Variants in RAB3IP observed in about 807,000 individuals in gnomAD.
RAB3IP encodes the protein rab-3A-interacting protein.
In RAB3IP, 36 loss-of-function variants were observed where a neutral mutation model predicts 59.1. The ratio of observed to expected loss-of-function variants is 0.61; its 90% CI spans 0.47 to 0.80. The LOEUF (loss-of-function observed/expected upper bound fraction) is 0.80. RAB3IP is among the 30% of genes least tolerant of loss of function. The probability of loss-of-function intolerance (pLI) is 0.00; values close to 1 mark genes in which losing one functional copy is unlikely to be tolerated. For missense variants in RAB3IP, 511 were observed against 536.0 expected (o/e 0.95, Z 0.46); for synonymous variants, 207 against 191.2 (o/e 1.08, Z -0.68).
Position 69,801,847 on chromosome 12 carries a change from G to T in RAB3IP, c.1130+126G>T, listed in dbSNP as rs1008958999. 2.6e-5 allele frequency: 15 copies of T among 581,386 alleles called. No individual in the cohort carries two copies. In the African/African-American group the frequency reaches 2.8e-4, roughly 11 times the overall value. 36.0% of individuals were successfully genotyped at this position (581,386 alleles called of 1,614,324 possible). A position where few individuals can be genotyped will look rare whatever the true frequency, so the allele number is the denominator to read the frequency against. ...CCTCAGATTTCTCTTAAGCGTCTGT[G>T]TAGCCTAGCCCAAAGACAAATTCCT... On this transcript the variant is annotated intron_variant, in intron 8 of 10. Coordinates refer to ENST00000247833, the MANE Select transcript of RAB3IP (RefSeq NM_022456.5).
chr12:69,757,801 T>A (rs1870470269), intron 3 of RAB3IP, among the ~76,000 whole-genome samples: 1 of 152,192 alleles, frequency 6.6e-6, no homozygotes. Flanking sequence ...GACTTTGTTG[T>A]CTTAATAGAT....
chr12:69,739,508 C>T (rs1887054107), intron 1 of RAB3IP: 1 of 325,894 alleles, frequency 3.1e-6, no homozygotes, highest in African/African-American at 2.2e-5. Context: ...CACCGGACGC[C>T]GCGCGGCAGG....
intron 1 of RAB3IP, among the ~76,000 whole-genome samples, chr12:69,744,991 A>G (rs1031603065): frequency 2.6e-5 from 4 of 152,198 alleles, no homozygotes; most frequent in Non-Finnish European, 2.9e-5. Flanking sequence ...CAGTATTTGA[A>G]TAAATTTTGA....
At chr12:69,813,827 C>T (rs1880804970) in intron 10 of RAB3IP, among the ~76,000 whole-genome samples, 1 of 152,096 alleles carries the variant, frequency 6.6e-6, no homozygotes, top group Non-Finnish European at 1.5e-5. Context: ...CTGGTAGAAG[C>T]CTACCATCTT....
chr12:69,771,499 C>A (rs1452767672), intron 3 of RAB3IP, among the ~76,000 whole-genome samples: 3 of 151,574 alleles, frequency 2.0e-5, no homozygotes, highest in Non-Finnish European at 2.9e-5. Flanking sequence ...TGCACTCCAG[C>A]CTGGGTGACA....
intron 10 of RAB3IP, among the ~76,000 whole-genome samples, chr12:69,814,302 A>G (rs1047652160): frequency 3.3e-5 from 5 of 152,178 alleles, no homozygotes; most frequent in Non-Finnish European, 5.9e-5. Flanking sequence ...GGGTGTTGAT[A>G]ATAAAAGTAG....
At chr12:69,811,960 T>A (rs1228291017) in intron 8 of RAB3IP, 1 of 152,188 alleles carries the variant, frequency 6.6e-6, no homozygotes, top group African/African-American at 2.4e-5. Context: ...GGAGTGATAG[T>A]TGTATTGAGC....
In RAB3IP at chr12:69,795,212, G is replaced by T; in HGVS notation, c.756G>T (p.Thr252=). ...TGTCCAGTTCTCCAACATCACCTAC[G>T]CAGGAGCCTTTGCCAGGTGGAAAGA... ...LVLSSSPTSP[T]QEPLPGGKTP... The change falls in exon 6 of 11, where the codon ACG becomes ACT. Residue 252 remains threonine, a synonymous_variant. Coordinates refer to ENST00000247833, the MANE Select transcript of RAB3IP (RefSeq NM_022456.5). 2.5e-6 allele frequency: 4 copies of T among 1,613,986 alleles called. No individual in the cohort carries two copies. Among genetic ancestry groups the T allele is most frequent in the Non-Finnish European group, 2.5e-6 (3 of 1,179,926 alleles).
chr12:69,755,204 G>A (rs1023848222), intron 1 of RAB3IP, among the ~76,000 whole-genome samples, 180 bp from the exon 2 acceptor site: 1 of 151,950 alleles, frequency 6.6e-6, no homozygotes, highest in Non-Finnish European at 1.5e-5. Context: ...TCATCTTCCC[G>A]AGTAGCTGGT....
At position 69,815,440 on chromosome 12, in the gene RAB3IP, A is replaced by G. The variant is rs1881031877; in HGVS notation, c.1377A>G (p.Glu459=). ...SLAKLGYFKE[E]L ...CAAAGCTGGGTTATTTCAAAGAGGA[A>G]CTCTGATGCTCTGCGTGGGACCATG... Residue 459 remains glutamate, a synonymous_variant, in exon 11 of 11, where the codon GAA becomes GAG. Coordinates refer to ENST00000247833, the MANE Select transcript of RAB3IP (RefSeq NM_022456.5). The G allele has an allele frequency of 2.5e-6, 4 of 1,608,268 alleles. No individual in the cohort carries two copies. The Admixed American group carries it at 6.7e-5, about 27-fold the overall frequency.
At chr12:69,804,883 G>C (rs1307334493) in intron 8 of RAB3IP, among the ~76,000 whole-genome samples, 1 of 152,122 alleles carries the variant, frequency 6.6e-6, no homozygotes, top group Non-Finnish European at 1.5e-5. Flanking sequence ...GTACCATGCT[G>C]TTTTGTTTAC....
chr12:69,773,552 C>A (rs1169139473), intron 3 of RAB3IP, among the ~76,000 whole-genome samples: 2 of 131,374 alleles, frequency 1.5e-5, no homozygotes, highest in Non-Finnish European at 3.2e-5. Flanking sequence ...CCAATGCTAT[C>A]CCTTCCCCCT....
intron 9 of RAB3IP, 43 bp from the exon 10 acceptor site, chr12:69,812,921 T>C (rs1592635463): frequency 6.2e-7 from 1 of 1,604,070 alleles, no homozygotes; most frequent in Non-Finnish European, 8.5e-7. Context: ...TGCTTTGATA[T>C]GGGACATTTG....
chr12:69,775,291 A>G (rs1873721410), intron 3 of RAB3IP, among the ~76,000 whole-genome samples: 1 of 123,268 alleles, frequency 8.1e-6, no homozygotes, highest in Admixed American at 8.8e-5. Context: ...GAAGTTGCTT[A>G]TCAGCTTAAG....
rs1381953369 is a variant in RAB3IP, at chr12:69,820,568, A to AAAC, written c.*5124_*5125insCAA. ...ATTGCACTTAGAAAAAAAAAAAAAA[A>AAAC]AAAAAACTGGCCAGGTGCGATGGCT... On this transcript the variant is annotated 3_prime_UTR_variant, in exon 11 of 11. Coordinates refer to ENST00000247833, the MANE Select transcript of RAB3IP (RefSeq NM_022456.5). 1.3e-5 allele frequency: 2 copies of AAAC among 151,926 alleles called. No individual in the cohort carries two copies. Among genetic ancestry groups the AAAC allele is most frequent in the South Asian group, 4.2e-4 (2 of 4,804 alleles). 9.4% of individuals were successfully genotyped at this position (151,926 alleles called of 1,614,324 possible).
chr12:69,748,988 C>T (rs768221423), intron 1 of RAB3IP, among the ~76,000 whole-genome samples: 1 of 152,108 alleles, frequency 6.6e-6, no homozygotes, highest in African/African-American at 2.4e-5. Context: ...TGAATTTAGA[C>T]AGTATTTAAA....
At chr12:69,762,133 C>A (rs1270322328) in intron 3 of RAB3IP, among the ~76,000 whole-genome samples, 1 of 152,168 alleles carries the variant, frequency 6.6e-6, no homozygotes, top group Non-Finnish European at 1.5e-5. Flanking sequence ...CACTTCCCAG[C>A]AACAAATCCA....
At chr12:69,799,389 A>G (rs547077440) in intron 6 of RAB3IP, among the ~76,000 whole-genome samples, 4 of 152,166 alleles carry the variant, frequency 2.6e-5, no homozygotes, top group Non-Finnish European at 5.9e-5. Context: ...AGCAGATGCT[A>G]TTGAGCTGGA....
chr12:69,813,630 A>T (rs1880772353), intron 10 of RAB3IP, among the ~76,000 whole-genome samples: 2 of 152,142 alleles, frequency 1.3e-5, no homozygotes, highest in Non-Finnish European at 2.9e-5. Flanking sequence ...TATCTTAAAT[A>T]TCAGGCATGA....
Sources: allele counts gnomAD v4.1 joint callset (sites outside exome capture counted in the v4.1 genomes callset), GRCh38; gene constraint gnomAD v4.1.1; transcripts MANE v1.5; gene names NCBI Gene and HGNC (gene_info 2026-07-23, HGNC 2026-07-21).